ACP7: variants seen among roughly 807,000 people sequenced by gnomAD.
The protein encoded by ACP7 is acid phosphatase 7, tartrate resistant (putative).
A neutral mutation model predicts 60.6 loss-of-function variants in ACP7; 58 were observed. The ratio of observed to expected loss-of-function variants is 0.96; its 90% CI spans 0.77 to 1.19. The LOEUF is 1.19. ACP7 is among the 50% of genes most tolerant of loss of function. The pLI is 0.00. For synonymous variants in ACP7, 237 were observed against 232.6 expected, an observed-to-expected ratio of 1.02 and a Z score of -0.17; for missense variants, 574 against 596.2, an observed-to-expected ratio of 0.96 and a Z score of 0.39.
intron 2 of ACP7, among the ~76,000 whole-genome samples, chr19:39,098,123 T>G (rs917845253): frequency 6.6e-6 from 1 of 151,696 alleles, no homozygotes; most frequent in Non-Finnish European, 1.5e-5. Context: ...TGGTGGCACA[T>G]GCTTGTAATC....
chr19:39,096,324 T>C (rs1462966792), intron 2 of ACP7, among the ~76,000 whole-genome samples: 1 of 151,778 alleles, frequency 6.6e-6, no homozygotes, highest in African/African-American at 2.4e-5. Flanking sequence ...ATCATCTCTC[T>C]CAAGTTCAAA....
At position 39,100,755 on chromosome 19, in the gene ACP7, G is replaced by A. The variant is rs368274770; in HGVS notation, c.709G>A (p.Ala237Thr). The A allele has an allele frequency of 1.7e-5, 27 of 1,613,752 alleles. No individual in the cohort carries two copies. Among genetic ancestry groups the A allele is most frequent in the East Asian group, 2.2e-5 (1 of 44,882 alleles). The change falls in exon 7 of 13, where the codon GCC (alanine) becomes ACC (threonine). Residue 237 changes from alanine to threonine, a missense_variant. Transcript: ENST00000331256. The stretch of plus-strand genomic sequence containing the variant: ...CTCCTCCAGCTGGGATCTGGGTCCC[G>A]CCCACATCATCTCCTTCTCCACCGA... Reference protein sequence around the residue: ...GLWYSWDLGPAHIISFSTEVY... With the variant: ...GLWYSWDLGPTHIISFSTEVY...
Position 39,110,096 on chromosome 19 carries a change from T to C in ACP7, c.1295T>C (p.Phe432Ser). 1.9e-5 allele frequency: 31 copies of C among 1,613,950 alleles called. No individual in the cohort carries two copies. The highest frequency in any genetic ancestry group is 2.6e-5 in the Non-Finnish European group (31 of 1,179,832). ...GATGTCTGGGTGGTGAGACCCCTGT[T>C]TGGCCGGAGGATGTACCTCTAGGGA... ...VDDVWVVRPL[F>S]GRRMYL Residue 432 changes from phenylalanine (F) to serine (S), a missense_variant, in exon 13 of 13, where the codon TTT becomes TCT. Transcript: ENST00000331256.
chr19:39,097,017 G>A lies in ACP7; in HGVS notation c.122-1441G>A, dbSNP rs62119549. ...GGGTTTCACCATGTTGGCCAGGATGGTCTCGATCTCCTGACCTCGTGATCT... is the reference window on the plus strand; with the variant it reads ...GGGTTTCACCATGTTGGCCAGGATGATCTCGATCTCCTGACCTCGTGATCT... On this transcript the variant is annotated intron_variant, in intron 2 of 12. Coordinates refer to ENST00000331256, the MANE Select transcript of ACP7 (RefSeq NM_001004318.3). Among the ~76,000 whole-genome samples the A allele has an allele frequency of 8.5e-5, 13 of 152,138 alleles. No individual in the cohort carries two copies. In the East Asian group the frequency reaches 2.5e-3, roughly 30 times the overall value.
intron 2 of ACP7, among the ~76,000 whole-genome samples, chr19:39,093,302 G>A (rs1463315361): frequency 6.8e-6 from 1 of 147,306 alleles, no homozygotes; most frequent in Non-Finnish European, 1.5e-5. Flanking sequence ...CCAGGCTGGA[G>A]TGCAGTGAGT....
chr19:39,090,400 C>CTCAGGAAT (rs2144970299), intron 2 of ACP7, among the ~76,000 whole-genome samples: 1 of 152,074 alleles, frequency 6.6e-6, no homozygotes, highest in South Asian at 2.1e-4. Context: ...AATTCCTGAG[C>CTCAGGAAT]TCAGGCAATC....
At chr19:39,094,486 G>C (rs1269263171) in intron 2 of ACP7, among the ~76,000 whole-genome samples, 1 of 133,640 alleles carries the variant, frequency 7.5e-6, no homozygotes, top group Non-Finnish European at 1.6e-5. Context: ...TTGGGCGACA[G>C]AGTGAGACTT....
chr19:39,107,030 G>T lies in ACP7; in HGVS notation c.1197G>T (p.Arg399=). ...GTGTGAAGGAGTACGGGTATACGCGGCTGCACATCCTCAACGGGACCCACA... is the reference window on the plus strand; with the variant it reads ...GTGTGAAGGAGTACGGGTATACGCGTCTGCACATCCTCAACGGGACCCACA... ...AVRVKEYGYT[R]LHILNGTHIH... is the part of the protein sequence containing the mutation. The change falls in exon 12 of 13, where the codon CGG becomes CGT. Residue 399 remains arginine (R), a synonymous_variant. Transcript: ENST00000331256. The T allele has an allele frequency of 6.2e-7, 1 of 1,614,126 alleles. No homozygotes were observed. Among genetic ancestry groups the T allele is most frequent in the Non-Finnish European group, 8.5e-7 (1 of 1,180,026 alleles).
intron 2 of ACP7, among the ~76,000 whole-genome samples, chr19:39,088,043 A>G (rs771695728): frequency 6.6e-6 from 1 of 151,286 alleles, no homozygotes; most frequent in Non-Finnish European, 1.5e-5. Flanking sequence ...TTTTTTTTAG[A>G]TAGGGTCTCA....
intron 11 of ACP7, among the ~76,000 whole-genome samples, chr19:39,103,889 C>T (rs1216579630): frequency 1.3e-5 from 2 of 151,850 alleles, no homozygotes; most frequent in East Asian, 3.9e-4. Context: ...TCTCGAATTC[C>T]TGGGCTTAAG....
intron 12 of ACP7, among the ~76,000 whole-genome samples, chr19:39,107,685 A>G (rs1371583624): frequency 1.3e-5 from 2 of 151,912 alleles, no homozygotes; most frequent in Non-Finnish European, 2.9e-5. Context: ...CAGGAGTTAG[A>G]GACCAGCCTG....
chr19:39,090,772 C>T (rs1250430903), intron 2 of ACP7, among the ~76,000 whole-genome samples: 2 of 149,410 alleles, frequency 1.3e-5, no homozygotes, highest in African/African-American at 4.9e-5. Flanking sequence ...GTGAACTACT[C>T]GCCCAGCCTT....
At position 39,085,078 on chromosome 19, in the gene ACP7, G is replaced by C; in HGVS notation, c.-178-14G>C. Reference sequence around the variant, plus strand: ...TGTTCCTTAGCGATTCTTATTTTTGGTTTCTCTCTCCAGCACCTGGATAAC... The same window carrying C: ...TGTTCCTTAGCGATTCTTATTTTTGCTTTCTCTCTCCAGCACCTGGATAAC... On this transcript the variant is annotated splice_polypyrimidine_tract_variant and intron_variant, in intron 1 of 12. Coordinates refer to ENST00000331256, the MANE Select transcript of ACP7 (RefSeq NM_001004318.3). The C allele has an allele frequency of 1.6e-6, 1 of 629,296 alleles. No homozygotes were observed. Among genetic ancestry groups the C allele is most frequent in the Non-Finnish European group, 2.6e-6 (1 of 386,912 alleles). 39.0% of individuals were successfully genotyped at this position (629,296 alleles called of 1,614,324 possible).
Position 39,098,632 on chromosome 19 carries a change from G to A in ACP7, c.296G>A (p.Arg99His), listed in dbSNP as rs1352763634. 3.1e-6 allele frequency: 5 copies of A among 1,612,432 alleles called. No homozygotes were observed. The highest frequency in any genetic ancestry group is 4.2e-6 in the Non-Finnish European group (5 of 1,179,248). Residue 99 changes from arginine to histidine, a missense_variant, in exon 3 of 13, where the codon CGC (arginine) becomes CAC (histidine). Physicochemically the swap from Arg to His is conservative, Grantham distance 29. Coordinates refer to ENST00000331256, the MANE Select transcript of ACP7 (RefSeq NM_001004318.3). ...CTCTACATACACCGAGTCACGCTTC[G>A]CAAGCTGCTGCCAGGGGTTCAGTAT... ...RKLYIHRVTL[R>H]KLLPGVQYVY...
In ACP7 at chr19:39,085,405, CT is replaced by C; in HGVS notation, c.121+16del. 1 of 1,602,546 alleles carries C rather than the reference CT, an allele frequency of 6.2e-7. No individual in the cohort carries two copies. The highest frequency in any genetic ancestry group is 8.5e-7 in the Non-Finnish European group (1 of 1,174,704). On this transcript the variant is annotated intron_variant, in intron 2 of 12. Transcript: ENST00000331256. ...GTCTTACCCAGGTAAGTGTCCCTGACTCATTTCTATGCCTCTACCAGAGAGG... is the reference window on the plus strand; with the variant it reads ...GTCTTACCCAGGTAAGTGTCCCTGACCATTTCTATGCCTCTACCAGAGAGG...
intron 4 of ACP7, among the ~76,000 whole-genome samples, chr19:39,099,758 C>T (rs1390199326): frequency 1.3e-5 from 2 of 150,712 alleles, no homozygotes; most frequent in Non-Finnish European, 3.0e-5. Flanking sequence ...TTTGTGAGGC[C>T]AAGGTGGGTG....
chr19:39,098,891 G>A, intron 3 of ACP7, 69 bp from the exon 4 acceptor site: 1 of 1,008,718 alleles, frequency 9.9e-7, no homozygotes, highest in Non-Finnish European at 1.4e-6. Flanking sequence ...ACCAGTCGGG[G>A]AAGGATGGGG....
At chr19:39,101,579 C>T (rs780378544) in intron 11 of ACP7, 42 bp downstream of exon 11, 2 of 1,582,412 alleles carry the variant, frequency 1.3e-6, no homozygotes, top group East Asian at 2.3e-5. Flanking sequence ...CTCTCTATTC[C>T]TATCTATGGA....
intron 2 of ACP7, among the ~76,000 whole-genome samples, chr19:39,090,396 T>G (rs896030042): frequency 6.6e-6 from 1 of 152,100 alleles, no homozygotes; most frequent in African/African-American, 2.4e-5. Context: ...CTTGAATTCC[T>G]GAGCTCAGGC....
Sources: gnomAD v4.1 joint callset for allele counts (sites outside exome capture counted in the v4.1 genomes callset) on GRCh38, gnomAD v4.1.1 for gene constraint, MANE v1.5 for transcripts, NCBI Gene and HGNC (gene_info 2026-07-23, HGNC 2026-07-21) for gene names.